Variants in FAAH2 observed in about 807,000 individuals in gnomAD.
The protein encoded by FAAH2 is fatty-acid amide hydrolase 2.
A neutral mutation model predicts 36.9 loss-of-function variants in FAAH2; 60 were observed. That is an observed-to-expected ratio of 1.63 (90% CI 1.32 to 2.02). FAAH2 has a LOEUF of 2.02. FAAH2 is among the 30% of genes most tolerant of loss of function. The pLI, the probability that FAAH2 is intolerant of heterozygous loss-of-function variation, is 0.00. For missense variants in FAAH2, 689 were observed against 397.5 expected, an observed-to-expected ratio of 1.73 and a Z score of -6.23; for synonymous variants, 214 against 143.8, an observed-to-expected ratio of 1.49 and a Z score of -3.49.
intron 7 of FAAH2, among the ~76,000 whole-genome samples, chrX:57,382,836 A>G (rs980148680): frequency 9.0e-6 from 1 of 111,709 alleles, no homozygotes; most frequent in African/African-American, 3.3e-5. Context: ...TGAGGCCAGC[A>G]TCATCCTGAT....
chrX:57,162,440 A>T, the FAAH2 span, among the ~76,000 whole-genome samples: 10 of 111,785 alleles, frequency 8.9e-5, no homozygotes, highest in East Asian at 2.2e-3. Context: ...CTCCTGGATA[A>T]TATCCTGCAG....
At chrX:57,399,561 G>A (rs1053166428) in intron 7 of FAAH2, among the ~76,000 whole-genome samples, 4 of 111,428 alleles carry the variant, frequency 3.6e-5, no homozygotes, top group African/African-American at 1.3e-4. Context: ...GGAGGGTCCT[G>A]CCTTGTGGCT....
the FAAH2 span, among the ~76,000 whole-genome samples, chrX:57,279,169 C>A: frequency 8.9e-6 from 1 of 112,158 alleles, no homozygotes; most frequent in Non-Finnish European, 1.9e-5. Flanking sequence ...TTTATTGTGG[C>A]ACTATTCACA....
the FAAH2 span, among the ~76,000 whole-genome samples, chrX:57,264,907 G>A: frequency 8.9e-6 from 1 of 111,803 alleles, no homozygotes; most frequent in African/African-American, 3.3e-5. Context: ...GGTAAATACA[G>A]CACCTTCAAT....
chrX:57,286,407 T>C (rs1268853590), upstream of FAAH2, among the ~76,000 whole-genome samples: 2 of 112,032 alleles, frequency 1.8e-5, no homozygotes, highest in Non-Finnish European at 3.8e-5. Flanking sequence ...TGCTAAATGT[T>C]TTTACTTATT....
chrX:57,228,214 T>G, the FAAH2 span, among the ~76,000 whole-genome samples: 1 of 111,888 alleles, frequency 8.9e-6, no homozygotes, highest in Non-Finnish European at 1.9e-5. Context: ...TTCTTCTCAT[T>G]GTGGAGTTTT....
the FAAH2 span, among the ~76,000 whole-genome samples, chrX:57,162,189 C>A: frequency 9.0e-6 from 1 of 111,593 alleles, no homozygotes; most frequent in Non-Finnish European, 1.9e-5. Context: ...AATATTGGCC[C>A]CCAATCTCTT....
At chrX:57,480,803 T>G (rs753298148) in intron 10 of FAAH2, among the ~76,000 whole-genome samples, 1 of 111,295 alleles carries the variant, frequency 9.0e-6, no homozygotes, top group East Asian at 2.8e-4. Flanking sequence ...GGTTGGGGAA[T>G]TTTCCTGGAT....
chrX:57,423,173 G>A (rs1305889559), intron 7 of FAAH2, among the ~76,000 whole-genome samples: 2 of 112,003 alleles, frequency 1.8e-5, no homozygotes, highest in Admixed American at 9.5e-5. Context: ...AATAGAAGGA[G>A]GACATTTCTA....
At chrX:57,417,631 G>A (rs1362453937) in intron 7 of FAAH2, among the ~76,000 whole-genome samples, 1 of 111,553 alleles carries the variant, frequency 9.0e-6, no homozygotes, top group Non-Finnish European at 1.9e-5. Flanking sequence ...ACTTCCAGAT[G>A]CCAGCCACAT....
chrX:57,133,478 A>G, the FAAH2 span, among the ~76,000 whole-genome samples: 2 of 111,863 alleles, frequency 1.8e-5, no homozygotes, highest in African/African-American at 6.5e-5. Flanking sequence ...GCCTTTTATT[A>G]GAGTAAAGCA....
intron 3 of FAAH2, among the ~76,000 whole-genome samples, chrX:57,325,389 G>T (rs1465289456): frequency 9.0e-6 from 1 of 111,656 alleles, no homozygotes; most frequent in Non-Finnish European, 1.9e-5. Context: ...TTTTTCTATT[G>T]ATTGGAATAG....
chrX:57,150,109 A>G, the FAAH2 span, among the ~76,000 whole-genome samples: 3 of 112,211 alleles, frequency 2.7e-5, no homozygotes, highest in Non-Finnish European at 5.6e-5. Flanking sequence ...GTTTGATTGC[A>G]CTGTGGTCTC....
the FAAH2 span, among the ~76,000 whole-genome samples, chrX:57,143,907 C>G: frequency 3.6e-5 from 4 of 111,800 alleles, no homozygotes; most frequent in Non-Finnish European, 7.5e-5. Flanking sequence ...TTTTAGATCT[C>G]CAGATGATTT....
chrX:57,274,845 C>T, the FAAH2 span, among the ~76,000 whole-genome samples: 1 of 111,850 alleles, frequency 8.9e-6, no homozygotes, highest in East Asian at 2.8e-4. Flanking sequence ...AAAACTGGCA[C>T]AAGACAAGGA....
intron 8 of FAAH2, among the ~76,000 whole-genome samples, chrX:57,438,022 CATATATACATATGTAT>C (rs1365848183): frequency 9.7e-6 from 1 of 102,596 alleles, no homozygotes; most frequent in African/African-American, 3.5e-5. Flanking sequence ...CACATATGTA[CATATATACATATGTAT>C]ATATATACAC....
the FAAH2 span, among the ~76,000 whole-genome samples, chrX:57,211,978 A>G: frequency 3.6e-5 from 4 of 111,971 alleles, no homozygotes; most frequent in African/African-American, 1.3e-4. Flanking sequence ...GCTCACACCT[A>G]TAATCTCAGC....
chrX:57,353,876 T>G (rs2054093714), intron 5 of FAAH2, among the ~76,000 whole-genome samples: 1 of 110,949 alleles, frequency 9.0e-6, no homozygotes, highest in South Asian at 3.7e-4. Flanking sequence ...ATCAGAGAAA[T>G]GCAAGTCAAA....
intron 10 of FAAH2, among the ~76,000 whole-genome samples, chrX:57,457,147 A>T (rs1440716986): frequency 8.9e-6 from 1 of 112,015 alleles, no homozygotes; most frequent in African/African-American, 3.2e-5. Context: ...GATTCACCAT[A>T]CAGAAATCAA....
Sources: gnomAD v4.1 joint callset for allele counts (sites outside exome capture counted in the v4.1 genomes callset) on GRCh38, gnomAD v4.1.1 for gene constraint, MANE v1.5 for transcripts, NCBI Gene and HGNC (gene_info 2026-07-23, HGNC 2026-07-21) for gene names.